The following WNK2 variants were observed in gnomAD, a reference collection of about 807,000 sequenced individuals.
WNK2 encodes the protein WNK lysine deficient protein kinase 2, also known as serine/threonine-protein kinase WNK2.
Under a neutral mutation model 192.1 loss-of-function variants are expected in WNK2, and 67 were observed. The observed-to-expected ratio is 0.35, with a 90% confidence interval of 0.29 to 0.43. WNK2 has a LOEUF of 0.43. Ranked by LOEUF, WNK2 falls within the 20% of genes least tolerant of loss-of-function variation. WNK2 has a pLI of 1.00. For synonymous variants in WNK2, 1,439 were observed against 1,393.9 expected, an observed-to-expected ratio of 1.03 and a Z score of -0.72; for missense variants, 2,698 against 3,089.7, an observed-to-expected ratio of 0.87 and a Z score of 3.01.
intron 2 of WNK2, among the ~76,000 whole-genome samples, chr9:93,205,179 A>G (rs1418380868): frequency 2.0e-5 from 3 of 152,120 alleles, no homozygotes; most frequent in Admixed American, 6.5e-5. Flanking sequence ...TTGTAGACCA[A>G]TGTTACCGGT....
chr9:93,256,548 C>A, intron 10 of WNK2, 94 bp downstream of exon 10: 1 of 1,368,060 alleles, frequency 7.3e-7, no homozygotes, highest in South Asian at 1.5e-5. Flanking sequence ...CTCCCACAGA[C>A]CCTTCGCTCA....
chr9:93,240,552 G>T (rs1246690926), intron 7 of WNK2, among the ~76,000 whole-genome samples: 2 of 152,136 alleles, frequency 1.3e-5, no homozygotes, highest in African/African-American at 2.4e-5. Context: ...TTGTGCTGGG[G>T]TGTCATCGAG....
chr9:93,203,133 G>A (rs774574748), intron 2 of WNK2, among the ~76,000 whole-genome samples: 2 of 152,232 alleles, frequency 1.3e-5, no homozygotes, highest in African/African-American at 4.8e-5. Context: ...TTCGGGGGGC[G>A]CTGGGAAGGT....
intron 1 of WNK2, 112 bp from the exon 2 acceptor site, chr9:93,184,816 G>A: frequency 1.0e-6 from 1 of 995,294 alleles, no homozygotes; most frequent in Non-Finnish European, 1.3e-6. Flanking sequence ...GGCTCTCTCC[G>A]CGGCCGGGGC....
chr9:93,185,268 C>T lies in WNK2; in HGVS notation c.339C>T (p.Asp113=), dbSNP rs1474937655. ...AQPGAPGAPA[D]AGPEPVGTQE... Reference sequence around the variant, plus strand: ...CGGGAGCCCCCGGAGCCCCCGCGGACGCCGGCCCCGAGCCCGTGGGCACGC... The same window carrying T: ...CGGGAGCCCCCGGAGCCCCCGCGGATGCCGGCCCCGAGCCCGTGGGCACGC... The change falls in exon 2 of 30, where the codon GAC becomes GAT. Residue 113 remains aspartate, a synonymous_variant. Coordinates refer to ENST00000427277, the MANE Select transcript of WNK2 (RefSeq NM_006648.4). The T allele has an allele frequency of 7.6e-7, 1 of 1,312,752 alleles. No homozygotes were observed. The highest frequency in any genetic ancestry group is 9.6e-7 in the Non-Finnish European group (1 of 1,037,118). 81.3% of individuals were successfully genotyped at this position (1,312,752 alleles called of 1,614,324 possible). A position where few individuals can be genotyped will look rare whatever the true frequency, so the allele number is the denominator to read the frequency against.
chr9:93,255,220 G>T (rs1276032132), intron 9 of WNK2, among the ~76,000 whole-genome samples: 2 of 152,184 alleles, frequency 1.3e-5, no homozygotes, highest in African/African-American at 4.8e-5. Flanking sequence ...CCTTTCCTGG[G>T]ATGGTTGCCA....
chr9:93,311,242 C>T (rs1008486116), intron 28 of WNK2, among the ~76,000 whole-genome samples: 6 of 152,164 alleles, frequency 3.9e-5, no homozygotes, highest in African/African-American at 7.2e-5. Context: ...GTAGCATGTC[C>T]GAATTTCCTT....
intron 19 of WNK2, among the ~76,000 whole-genome samples, chr9:93,275,738 A>T (rs1222585677): frequency 6.6e-6 from 1 of 152,250 alleles, no homozygotes; most frequent in Non-Finnish European, 1.5e-5. Context: ...TCTAGAACTA[A>T]TAAGTGAGTT....
chr9:93,309,060 A>T, intron 28 of WNK2: 2 of 992,496 alleles, frequency 2.0e-6, no homozygotes, highest in Non-Finnish European at 2.4e-6. Context: ...CTGCTGTCCT[A>T]GGTTTTCACA....
At chr9:93,288,430 G>A (rs945701323) in intron 19 of WNK2, among the ~76,000 whole-genome samples, 5 of 152,240 alleles carry the variant, frequency 3.3e-5, no homozygotes, top group African/African-American at 1.2e-4. Flanking sequence ...AGCTGTCTGT[G>A]CGGGTGAGGG....
At position 93,185,108 on chromosome 9, in the gene WNK2, C is replaced by T; in HGVS notation, c.179C>T (p.Ala60Val). The change falls in exon 2 of 30, where the codon GCC (alanine) becomes GTC (valine). Residue 60 changes from alanine (A) to valine (V), a missense_variant. Transcript: ENST00000427277. The stretch of plus-strand genomic sequence containing the variant: ...GAGGAGCCGCCGGGCTTGGAGGCAG[C>T]CGAGGCGCCGGGCCCGCAGCCCCCG... ...DQEEPPGLEA[A>V]EAPGPQPPQP... is the part of the protein sequence containing the mutation. 7.6e-7 allele frequency: 1 copy of T among 1,311,262 alleles called. No individual in the cohort carries two copies. The highest frequency in any genetic ancestry group is 9.8e-7 in the Non-Finnish European group (1 of 1,025,308). The allele number at this position is 1,311,262 out of a possible 1,614,324, so 81.2% of individuals were successfully genotyped here.
chr9:93,261,956 C>G lies in WNK2; in HGVS notation c.3209C>G (p.Pro1070Arg), dbSNP rs1409438365. 6.2e-7 allele frequency: 1 copy of G among 1,611,640 alleles called. No individual in the cohort carries two copies. The highest frequency in any genetic ancestry group is 8.5e-7 in the Non-Finnish European group (1 of 1,179,732). Residue 1070 changes from proline to arginine, a missense_variant, in exon 13 of 30, where the codon CCC (proline) becomes CGC (arginine). Coordinates refer to ENST00000427277, the MANE Select transcript of WNK2 (RefSeq NM_006648.4). ...PAAPELLPQF[P>R]SSLATVSASV... ...GCCCCTGAGCTCCTGCCTCAGTTCC[C>G]CAGCTCCCTGGCCACGGTGTCTGCC... is the stretch of plus-strand genomic sequence containing the variant.
chr9:93,288,831 C>G lies in WNK2; in HGVS notation c.4077C>G (p.Pro1359=). 6.2e-7 allele frequency: 1 copy of G among 1,612,404 alleles called. No individual in the cohort carries two copies. The highest frequency in any genetic ancestry group is 1.1e-5 in the South Asian group (1 of 91,000). The part of the protein sequence containing the change: ...YKDQLSSKEQ[P]SFLASQQLLS... ...ACCAGCTGTCCTCGAAGGAACAACC[C>G]AGCTTTCTAGCCAGTCAGCAGCTCC... Residue 1359 remains proline (P), a synonymous_variant, in exon 20 of 30, where the codon CCC becomes CCG. Transcript: ENST00000427277.
At chr9:93,310,859 G>T (rs1853515767) in intron 28 of WNK2, among the ~76,000 whole-genome samples, 1 of 152,338 alleles carries the variant, frequency 6.6e-6, no homozygotes, top group South Asian at 2.1e-4. Context: ...AGCCACCCGG[G>T]AGGCTGAGGT....
At chr9:93,304,781 C>T (rs1463287218) in intron 26 of WNK2, among the ~76,000 whole-genome samples, 1 of 152,236 alleles carries the variant, frequency 6.6e-6, no homozygotes, top group Non-Finnish European at 1.5e-5. Context: ...GGGGAGGTCT[C>T]TGCCCCAGCC....
At position 93,304,285 on chromosome 9, in the gene WNK2, A is replaced by C. The variant is rs945087550; in HGVS notation, c.6215-2492A>C. On this transcript the variant is annotated intron_variant, in intron 26 of 29. Coordinates refer to ENST00000427277, the MANE Select transcript of WNK2 (RefSeq NM_006648.4). ...TGGCTGGAGTGGGGAGGGAGCCTCC[A>C]CTTGCGCCTGGGGGGCTTCAGCTGA... is the stretch of plus-strand genomic sequence containing the variant. Among the ~76,000 whole-genome samples, 13 of 152,276 alleles carry C rather than the reference A, an allele frequency of 8.5e-5. No homozygotes were observed. In the South Asian group the frequency reaches 1.7e-3, roughly 19 times the overall value.
intron 23 of WNK2, among the ~76,000 whole-genome samples, chr9:93,297,203 C>T (rs972512119): frequency 1.3e-5 from 2 of 151,076 alleles, no homozygotes; most frequent in Admixed American, 1.3e-4. Context: ...TCTGCATCCA[C>T]CCCTCCGCAT....
intron 19 of WNK2, among the ~76,000 whole-genome samples, chr9:93,278,916 C>T (rs928485692): frequency 5.9e-5 from 9 of 152,276 alleles, no homozygotes; most frequent in South Asian, 2.1e-4. Flanking sequence ...GTAGAAAAAG[C>T]GGTTGACAAA....
chr9:93,186,252 C>G (rs997275333), intron 2 of WNK2, among the ~76,000 whole-genome samples: 2 of 152,184 alleles, frequency 1.3e-5, no homozygotes, highest in Non-Finnish European at 2.9e-5. Context: ...TCCATTTGTT[C>G]ACAAAATGGA....
Sources: gnomAD v4.1 joint callset for allele counts (sites outside exome capture counted in the v4.1 genomes callset) on GRCh38, gnomAD v4.1.1 for gene constraint, MANE v1.5 for transcripts, NCBI Gene and HGNC (gene_info 2026-07-23, HGNC 2026-07-21) for gene names.